The following GALNTL6 variants were observed in gnomAD, a reference collection of about 807,000 sequenced individuals.
The protein encoded by GALNTL6 is polypeptide N-acetylgalactosaminyltransferase like 6.
A neutral mutation model predicts 73.7 loss-of-function variants in GALNTL6; 46 were observed. The ratio of observed to expected loss-of-function variants is 0.62; its 90% CI spans 0.49 to 0.80. The LOEUF (loss-of-function observed/expected upper bound fraction) is 0.80, where lower values mean the gene tolerates loss of function less well. Among genes scored for constraint, GALNTL6 ranks in the 30% least tolerant of loss-of-function variants. The probability of loss-of-function intolerance (pLI) is 0.00; values close to 1 mark genes in which losing one functional copy is unlikely to be tolerated. For synonymous variants in GALNTL6, 259 were observed against 263.7 expected (o/e 0.98, Z 0.17); for missense variants, 604 against 755.0 (o/e 0.80, Z 2.34).
At chr4:172,370,503 C>A (rs535293510) in intron 5 of GALNTL6, among the ~76,000 whole-genome samples, 1 of 151,474 alleles carries the variant, frequency 6.6e-6, no homozygotes, top group African/African-American at 2.4e-5. Context: ...TGGTGGTGGG[C>A]GCCTGTAGTC....
intron 11 of GALNTL6, among the ~76,000 whole-genome samples, chr4:173,014,158 A>C (rs969552532): frequency 1.3e-5 from 2 of 152,236 alleles, no homozygotes; most frequent in African/African-American, 4.8e-5. Flanking sequence ...GCTGCAGAAC[A>C]CTGGTGGTGA....
At chr4:172,533,531 G>T (rs1735242534) in intron 5 of GALNTL6, among the ~76,000 whole-genome samples, 1 of 151,662 alleles carries the variant, frequency 6.6e-6, no homozygotes, top group Non-Finnish European at 1.5e-5. Context: ...CACCATATTG[G>T]TCAGGCTGGT....
intron 10 of GALNTL6, among the ~76,000 whole-genome samples, chr4:172,968,987 A>G (rs1477493437): frequency 3.9e-5 from 6 of 152,216 alleles, no homozygotes; most frequent in Admixed American, 1.3e-4. Context: ...ATATACTACA[A>G]AAGTGGCTAT....
At chr4:172,376,071 A>G (rs960095278) in intron 5 of GALNTL6, among the ~76,000 whole-genome samples, 4 of 152,186 alleles carry the variant, frequency 2.6e-5, no homozygotes, top group African/African-American at 9.7e-5. Context: ...GAGGGATCCT[A>G]AAATTCCAGG....
intron 8 of GALNTL6, among the ~76,000 whole-genome samples, chr4:172,919,794 A>G (rs1217521462): frequency 1.3e-5 from 2 of 152,120 alleles, no homozygotes; most frequent in African/African-American, 4.8e-5. Flanking sequence ...TAGGTCCTTA[A>G]TTACATTTTA....
At chr4:172,834,400 G>A (rs945733922) in intron 7 of GALNTL6, among the ~76,000 whole-genome samples, 1 of 152,232 alleles carries the variant, frequency 6.6e-6, no homozygotes, top group Admixed American at 6.5e-5. Context: ...TTACAGCGAG[G>A]TAAGCATGGG....
intron 5 of GALNTL6, among the ~76,000 whole-genome samples, chr4:172,429,177 TATTTTATTTTATTTTATA>T (rs1430909252): frequency 1.1e-4 from 14 of 132,312 alleles, no homozygotes; most frequent in African/African-American, 4.3e-4. Flanking sequence ...TTTGTTTTAT[TATTTTATTTTATTTTATA>T]TTATTTTATT....
At chr4:172,483,377 C>T (rs979450504) in intron 5 of GALNTL6, among the ~76,000 whole-genome samples, 1 of 152,008 alleles carries the variant, frequency 6.6e-6, no homozygotes, top group African/African-American at 2.4e-5. Flanking sequence ...GGGTGAAAAT[C>T]GGCAGTAGAA....
chr4:172,166,512 G>A (rs940917434), intron 2 of GALNTL6, among the ~76,000 whole-genome samples: 1 of 151,902 alleles, frequency 6.6e-6, no homozygotes, highest in Non-Finnish European at 1.5e-5. Context: ...TATTCTCCTA[G>A]CAATTAAAGC....
intron 9 of GALNTL6, among the ~76,000 whole-genome samples, chr4:172,938,731 C>G (rs1428117982): frequency 6.6e-6 from 1 of 152,186 alleles, no homozygotes; most frequent in Non-Finnish European, 1.5e-5. Context: ...TTCAGATGCT[C>G]TATTTGAAAC....
At chr4:172,957,285 T>C (rs1749796331) in intron 10 of GALNTL6, among the ~76,000 whole-genome samples, 1 of 152,170 alleles carries the variant, frequency 6.6e-6, no homozygotes, top group Non-Finnish European at 1.5e-5. Context: ...TTCTAAGAAA[T>C]GGGCTAGTGG....
intron 2 of GALNTL6, among the ~76,000 whole-genome samples, chr4:171,891,798 G>T (rs76793137): frequency 6.6e-6 from 1 of 152,214 alleles, no homozygotes; most frequent in African/African-American, 2.4e-5. Context: ...GTTAAACTAC[G>T]AATACTGTTT....
At chr4:171,913,565 C>A (rs1258054064) in intron 2 of GALNTL6, among the ~76,000 whole-genome samples, 1 of 152,054 alleles carries the variant, frequency 6.6e-6, no homozygotes, top group Non-Finnish European at 1.5e-5. Context: ...TCAAAGCAAA[C>A]CATTTTTCAT....
At chr4:172,939,143 A>T (rs952395608) in intron 9 of GALNTL6, among the ~76,000 whole-genome samples, 12 of 151,592 alleles carry the variant, frequency 7.9e-5, no homozygotes, top group East Asian at 1.9e-4. Flanking sequence ...TTTTTTTTTT[A>T]AAGTTACCTG....
At chr4:172,538,071 T>TA (rs1735411083) in intron 5 of GALNTL6, among the ~76,000 whole-genome samples, 1 of 151,910 alleles carries the variant, frequency 6.6e-6, no homozygotes, top group Non-Finnish European at 1.5e-5. Flanking sequence ...GTAGAAAAAA[T>TA]ATGAAAGACC....
In GALNTL6 at chr4:173,021,619, C is replaced by T. The variant is rs1207847889; in HGVS notation, c.1632C>T (p.Tyr544=). Residue 544 remains tyrosine, a synonymous_variant, in exon 12 of 13, where the codon TAC becomes TAT. Transcript: ENST00000506823. ...TGAAGGGGAACCAGCTCTGGGGATA[C>T]CGGAAGGTAAGAGTCAGTCCACTGT... ...HGMKGNQLWG[Y]RKDRTLFHPV... 3 of 1,613,842 alleles carry T rather than the reference C, an allele frequency of 1.9e-6. No individual in the cohort carries two copies. The highest frequency in any genetic ancestry group is 1.3e-5 in the African/African-American group (1 of 75,008).
At chr4:171,826,384 T>C (rs958223679) in intron 2 of GALNTL6, among the ~76,000 whole-genome samples, 1 of 152,184 alleles carries the variant, frequency 6.6e-6, no homozygotes, top group Admixed American at 6.6e-5. Context: ...ATGGAACCTC[T>C]ATCCAGACTA....
At chr4:173,025,482 A>G (rs373233754) in intron 12 of GALNTL6, among the ~76,000 whole-genome samples, 70 of 152,134 alleles carry the variant, frequency 4.6e-4, no homozygotes, top group African/African-American at 1.6e-3. Flanking sequence ...TGCCATTTCT[A>G]TAGCCAGCCC....
chr4:172,644,253 A>G (rs530219286), intron 5 of GALNTL6, among the ~76,000 whole-genome samples: 2 of 151,668 alleles, frequency 1.3e-5, no homozygotes, highest in South Asian at 4.2e-4. Flanking sequence ...GTGTATATGT[A>G]TATGTGTGTA....
Sources: allele counts gnomAD v4.1 joint callset (sites outside exome capture counted in the v4.1 genomes callset), GRCh38; gene constraint gnomAD v4.1.1; transcripts MANE v1.5; gene names NCBI Gene and HGNC (gene_info 2026-07-23, HGNC 2026-07-21).